MMP3: variants seen among roughly 807,000 people sequenced by gnomAD.
The protein encoded by MMP3 is matrix metallopeptidase 3, also known as stromelysin-1.
A neutral mutation model predicts 47.3 loss-of-function variants in MMP3; 46 were observed. The ratio of observed to expected loss-of-function variants is 0.97; its 90% confidence interval spans 0.77 to 1.24. The LOEUF (loss-of-function observed/expected upper bound fraction) is 1.24, where lower values mean the gene tolerates loss of function less well. Among genes scored for constraint, MMP3 ranks in the 50% most tolerant of loss-of-function variants. The pLI is 0.00. For synonymous variants in MMP3, 216 were observed against 206.5 expected, an observed-to-expected ratio of 1.05 and a Z score of -0.39; for missense variants, 558 against 565.5, an observed-to-expected ratio of 0.99 and a Z score of 0.13.
In MMP3 at chr11:102,840,499, A is replaced by G. The variant is rs2134400193; in HGVS notation, c.720T>C (p.Tyr240=). 6.2e-7 allele frequency: 1 copy of G among 1,614,160 alleles called. No individual in the cohort carries two copies. The highest frequency in any genetic ancestry group is 8.5e-7 in the Non-Finnish European group (1 of 1,180,004). Residue 240 remains tyrosine, a synonymous_variant, in exon 5 of 10, where the codon TAT becomes TAC. Coordinates refer to ENST00000299855, the MANE Select transcript of MMP3 (RefSeq NM_002422.5). ...ANTEALMYPL[Y]HSLTDLTRFR... ...ACCGAGTCAGGTCTGTGAGTGAGTG[A>G]TAGAGTGGGTACATCAAAGCTTCAG...
Position 102,842,785 on chromosome 11 carries a change from C to A in MMP3, c.237G>T (p.Leu79=). The A allele has an allele frequency of 6.2e-7, 1 of 1,613,954 alleles. No individual in the cohort carries two copies. The highest frequency in any genetic ancestry group is 8.5e-7 in the Non-Finnish European group (1 of 1,179,968). The change falls in exon 2 of 10, where the codon CTG becomes CTT. Residue 79 remains leucine, a synonymous_variant. Coordinates refer to ENST00000299855, the MANE Select transcript of MMP3 (RefSeq NM_002422.5). ...KFLGLEVTGK[L]DSDTLEVMRK... is the part of the protein sequence containing the mutation. ...GCATCACCTCCAGAGTGTCGGAGTCCAGCTTCCCCGTCACCTCCAATCCAA... is the reference window on the plus strand; with the variant it reads ...GCATCACCTCCAGAGTGTCGGAGTCAAGCTTCCCCGTCACCTCCAATCCAA...
intron 1 of MMP3, 57 bp downstream of exon 1, chr11:102,843,385 T>C: frequency 8.3e-7 from 1 of 1,205,096 alleles, no homozygotes; most frequent in Non-Finnish European, 1.2e-6. Flanking sequence ...ACACACAGAA[T>C]GGTTTCAGCT....
Position 102,837,456 on chromosome 11 carries a change from A to G in MMP3, c.1230-55T>C, listed in dbSNP as rs1436471186. On this transcript the variant is annotated intron_variant, in intron 8 of 9. Transcript: ENST00000299855. This position sits in a 1 kb window ranked among gnomAD's most constrained non-coding sequence, Gnocchi z 4.4. ...TTGCATAGAGGCCATGTTACCGAAC[A>G]TCTTAGATCATGTTAGGTTTAATGT... 3 of 1,254,944 alleles carry G rather than the reference A, an allele frequency of 2.4e-6. No individual in the cohort carries two copies. Among genetic ancestry groups the G allele is most frequent in the Non-Finnish European group, 3.5e-6 (3 of 868,412 alleles). 77.7% of individuals were successfully genotyped at this position (1,254,944 alleles called of 1,614,324 possible). A position where few individuals can be genotyped will look rare whatever the true frequency, so the allele number is the denominator to read the frequency against.
chr11:102,842,093 A>G (rs1859007130), intron 4 of MMP3, 61 bp downstream of exon 4: 1 of 1,444,064 alleles, frequency 6.9e-7, no homozygotes, highest in Non-Finnish European at 9.2e-7. Flanking sequence ...CTTGGTTATT[A>G]ACAGATTTCT....
chr11:102,839,558 C>T (rs1160834472), intron 6 of MMP3, among the ~76,000 whole-genome samples: 2 of 152,196 alleles, frequency 1.3e-5, no homozygotes, highest in African/African-American at 4.8e-5. Flanking sequence ...GCTATACCCT[C>T]TTCCAAAAGC....
intron 4 of MMP3, among the ~76,000 whole-genome samples, chr11:102,841,455 C>T (rs150964264): frequency 2.0e-5 from 3 of 152,170 alleles, no homozygotes; most frequent in African/African-American, 7.2e-5. Flanking sequence ...CAGAGGTTTA[C>T]ATTTTCATTA....
chr11:102,839,654 C>T (rs1555005143), intron 6 of MMP3, among the ~76,000 whole-genome samples: 1 of 152,138 alleles, frequency 6.6e-6, no homozygotes, highest in Non-Finnish European at 1.5e-5. Context: ...CACAAAAAGT[C>T]TTGACTCTGG....
At position 102,842,655 on chromosome 11, in the gene MMP3, C is replaced by A; in HGVS notation, c.350+17G>T. 4 of 1,613,112 alleles carry A rather than the reference C, an allele frequency of 2.5e-6. No homozygotes were observed. Among genetic ancestry groups the A allele is most frequent in the Non-Finnish European group, 3.4e-6 (4 of 1,179,498 alleles). On this transcript the variant is annotated intron_variant, in intron 2 of 9. Coordinates refer to ENST00000299855, the MANE Select transcript of MMP3 (RefSeq NM_002422.5). ...ATAAAATTCCAATCTTATGTGAAAA[C>A]CCCTCTGAACCATTACCTGTATGTA...
chr11:102,838,426 T>A (rs1858924231), intron 8 of MMP3, 125 bp downstream of exon 8: 1 of 1,036,570 alleles, frequency 9.6e-7, no homozygotes, highest in African/African-American at 1.6e-5. Flanking sequence ...CCCACAGTTG[T>A]CTGAAGTCCC....
Position 102,836,007 on chromosome 11 carries a change from A to T in MMP3, c.*119T>A, listed in dbSNP as rs1858873485. The T allele has an allele frequency of 1.4e-6, 1 of 728,006 alleles. No homozygotes were observed. The highest frequency in any genetic ancestry group is 1.8e-5 in the African/African-American group (1 of 56,864). The allele number at this position is 728,006 out of a possible 1,614,324, so 45.1% of individuals were successfully genotyped here. A position where few individuals can be genotyped will look rare whatever the true frequency, so the allele number is the denominator to read the frequency against. On this transcript the variant is annotated 3_prime_UTR_variant, in exon 10 of 10. Transcript: ENST00000299855. This position sits in a 1 kb window ranked among gnomAD's most constrained non-coding sequence, Gnocchi z 4.6. ...ACAGATTCACGCTCAAGTTCCCTTG[A>T]GTGTGACTCGAGTCACAGCACAGGC...
Position 102,836,230 on chromosome 11 carries a change from C to T in MMP3, c.1334-4G>A, listed in dbSNP as rs1858879153. ...CCAGTAAAGAAATAAAAGAACCCTG[C>T]AAATACAGACAAGGGAAATAGTAAG... On this transcript the variant is annotated splice_region_variant and splice_polypyrimidine_tract_variant and intron_variant, in intron 9 of 9. Transcript: ENST00000299855. The surrounding 1 kb of genome is among the most constrained non-coding windows in gnomAD (Gnocchi z 4.6). 1 of 1,598,188 alleles carries T rather than the reference C, an allele frequency of 6.3e-7. No individual in the cohort carries two copies. Among genetic ancestry groups the T allele is most frequent in the Non-Finnish European group, 8.6e-7 (1 of 1,166,998 alleles).
intron 3 of MMP3, 37 bp downstream of exon 3, chr11:102,842,394 T>A (rs3020920): frequency 7.5e-7 from 1 of 1,326,208 alleles, no homozygotes; most frequent in South Asian, 1.7e-5. Flanking sequence ...TTTTGTTTTG[T>A]TTTGTTTTGC....
chr11:102,840,427 A>C lies in MMP3; in HGVS notation c.790+2T>G. 1 of 1,611,434 alleles carries C rather than the reference A, an allele frequency of 6.2e-7. No homozygotes were observed. Among genetic ancestry groups the C allele is most frequent in the Admixed American group, 1.7e-5 (1 of 59,232 alleles). On this transcript the variant is annotated splice_donor_variant, in intron 5 of 9. Coordinates refer to ENST00000299855, the MANE Select transcript of MMP3 (RefSeq NM_002422.5). LOFTEE classifies it high-confidence loss of function. Reference sequence around the variant, plus strand: ...ATGGCTGATTTTCCCAGTGTCACTCACCATAGAGGGACTGAATGCCATTTA... The same window carrying C: ...ATGGCTGATTTTCCCAGTGTCACTCCCCATAGAGGGACTGAATGCCATTTA...
chr11:102,835,932 C>A lies in MMP3; in HGVS notation c.*194G>T, dbSNP rs1394405449. 1.8e-6 allele frequency: 1 copy of A among 542,248 alleles called. No individual in the cohort carries two copies. The highest frequency in any genetic ancestry group is 2.9e-5 in the East Asian group (1 of 34,178). 33.6% of individuals were successfully genotyped at this position (542,248 alleles called of 1,614,324 possible). A position where few individuals can be genotyped will look rare whatever the true frequency, so the allele number is the denominator to read the frequency against. ...TCTATGTGACAAGGTGCAAGCTAAGCAGCAGCCCATTTGAATGCCCTGTAA... is the reference window on the plus strand; with the variant it reads ...TCTATGTGACAAGGTGCAAGCTAAGAAGCAGCCCATTTGAATGCCCTGTAA... On this transcript the variant is annotated 3_prime_UTR_variant, in exon 10 of 10. Coordinates refer to ENST00000299855, the MANE Select transcript of MMP3 (RefSeq NM_002422.5).
chr11:102,842,057 C>A, intron 4 of MMP3, 97 bp downstream of exon 4: 1 of 1,243,452 alleles, frequency 8.0e-7, no homozygotes, highest in Non-Finnish European at 1.1e-6. Context: ...ACTGGAAAAT[C>A]CAGAACATCT....
At chr11:102,840,638 A>G (rs1555005306) in intron 4 of MMP3, 45 bp from the exon 5 acceptor site, 5 of 1,593,824 alleles carry the variant, frequency 3.1e-6, no homozygotes, top group Non-Finnish European at 4.3e-6. Context: ...TTTTAAATAC[A>G]TGTGCATTAC....
At position 102,842,222 on chromosome 11, in the gene MMP3, G is replaced by A. The variant is rs376760953; in HGVS notation, c.557C>T (p.Ala186Val). ...GPGNVLAHAY[A>V]PGPGINGDAH... Reference sequence around the variant, plus strand: ...ATCTCCATTAATCCCTGGCCCAGGGGCATAGGCATGGGCCAAAACATTTCC... The same window carrying A: ...ATCTCCATTAATCCCTGGCCCAGGGACATAGGCATGGGCCAAAACATTTCC... The change falls in exon 4 of 10, where the codon GCC (alanine) becomes GTC (valine). Residue 186 changes from alanine to valine, a missense_variant. Physicochemically the swap from Ala to Val is moderately conservative, Grantham distance 64. Transcript: ENST00000299855. 6.2e-7 allele frequency: 1 copy of A among 1,612,562 alleles called. No individual in the cohort carries two copies. Among genetic ancestry groups the A allele is most frequent in the Non-Finnish European group, 8.5e-7 (1 of 1,179,322 alleles).
intron 3 of MMP3, 27 bp downstream of exon 3, chr11:102,842,404 C>CTTTTTTTTTTTTGTTTTTT (rs1859018421): frequency 1.6e-6 from 1 of 630,892 alleles, no homozygotes; most frequent in Non-Finnish European, 2.1e-6. Context: ...TTTTGTTTTG[C>CTTTTTTTTTTTTGTTTTTT]TTTTTTTTTT....
chr11:102,840,372 T>C (rs992363686), intron 5 of MMP3, 57 bp downstream of exon 5: 14 of 1,595,610 alleles, frequency 8.8e-6, no homozygotes, highest in Middle Eastern at 1.7e-4. Flanking sequence ...ATTTGAAAGC[T>C]CTTCTGAAGA....
Sources: allele counts gnomAD v4.1 joint callset (sites outside exome capture counted in the v4.1 genomes callset), GRCh38; gene constraint gnomAD v4.1.1; non-coding constraint Gnocchi (gnomAD v3.1); transcripts MANE v1.5; gene names NCBI Gene and HGNC (gene_info 2026-07-23, HGNC 2026-07-21).